The following CELF3 variants were observed in gnomAD, a reference collection of about 807,000 sequenced individuals.
CELF3 encodes CUGBP Elav-like family member 3.
Under a neutral mutation model 59.6 loss-of-function variants are expected in CELF3, and 26 were observed. The observed-to-expected ratio is 0.44, with a 90% CI of 0.32 to 0.61. The LOEUF (loss-of-function observed/expected upper bound fraction) is 0.61. Ranked by LOEUF, CELF3 falls within the 20% of genes least tolerant of loss-of-function variation. The probability of loss-of-function intolerance (pLI) is 0.06; values close to 1 mark genes in which losing one functional copy is unlikely to be tolerated. For synonymous variants in CELF3, 245 were observed against 250.7 expected, an observed-to-expected ratio of 0.98 and a Z score of 0.22; for missense variants, 387 against 627.2, an observed-to-expected ratio of 0.62 and a Z score of 4.09.
Position 151,714,745 on chromosome 1 carries a change from C to G in CELF3, c.146-69G>C, listed in dbSNP as rs145483403. The G allele has an allele frequency of 3.3e-5, 38 of 1,142,956 alleles. No individual in the cohort carries two copies. In the African/African-American group the frequency reaches 4.3e-4, roughly 13 times the overall value. The allele number at this position is 1,142,956 out of a possible 1,614,324, so 70.8% of individuals were successfully genotyped here. A position where few individuals can be genotyped will look rare whatever the true frequency, so the allele number is the denominator to read the frequency against. On this transcript the variant is annotated intron_variant, in intron 1 of 12. Transcript: ENST00000290583. ...CTCCATCTCCCCTCTCTGAAAGGCT[C>G]CCTTCCAAAGACTGACGACTGGGAA... is the stretch of plus-strand genomic sequence containing the variant.
At chr1:151,706,435 C>T (rs1010246487) in intron 9 of CELF3, 74 bp from the exon 10 acceptor site, 1 of 1,441,794 alleles carries the variant, frequency 6.9e-7, no homozygotes, top group Non-Finnish European at 9.4e-7. Flanking sequence ...CCCTGTCTCC[C>T]TTCCCCTAGC....
rs1444624084 is a variant in CELF3 at position 151,705,819 on chromosome 1, T to C, written c.1270+3A>G. 2 of 1,614,106 alleles carry C rather than the reference T, an allele frequency of 1.2e-6. No individual in the cohort carries two copies. Among genetic ancestry groups the C allele is most frequent in the South Asian group, 2.2e-5 (2 of 91,050 alleles). ...CAAAAAATGTGCCATATCATATTCT[T>C]ACCAAAACATTTGCTTTGATTGGTG... On this transcript the variant is annotated splice_donor_region_variant and intron_variant, in intron 11 of 12. Coordinates refer to ENST00000290583, the MANE Select transcript of CELF3 (RefSeq NM_007185.7). The surrounding 1 kb of genome is among the most constrained non-coding windows in gnomAD (Gnocchi z 5.1).
intron 5 of CELF3, 85 bp from the exon 6 acceptor site, chr1:151,708,020 C>T (rs1241741996): frequency 1.9e-4 from 271 of 1,460,570 alleles, no homozygotes; most frequent in Non-Finnish European, 2.4e-4. Flanking sequence ...CTCCATTCCA[C>T]CCCCATGGCA....
rs57326615 is a variant in CELF3 at position 151,700,969 on chromosome 1, G to A, written c.*2490C>T. The A allele has an allele frequency of 0.097, 14,847 of 152,284 alleles. 777 individuals are homozygous for A. The highest frequency in any genetic ancestry group is 0.13 in the South Asian group (612 of 4,828). The allele number at this position is 152,284 out of a possible 1,614,324, so 9.4% of individuals were successfully genotyped here. ...CACTGTTTAGGGTGACCAGGATACA[G>A]TGCTGGACAAAGCAGACTGGGTAGT... On this transcript the variant is annotated 3_prime_UTR_variant, in exon 13 of 13. Coordinates refer to ENST00000290583, the MANE Select transcript of CELF3 (RefSeq NM_007185.7).
rs186011019 is a variant in CELF3, at chr1:151,701,143, G to A, written c.*2316C>T. ...TGTGGAGATGCAGAGACATGAGTAA[G>A]TAAATCAGCTGAATACTTTAGAGGT... On this transcript the variant is annotated 3_prime_UTR_variant, in exon 13 of 13. Transcript: ENST00000290583. 15 of 152,364 alleles carry A rather than the reference G, an allele frequency of 9.8e-5. No homozygotes were observed. In the East Asian group the frequency reaches 2.9e-3, roughly 29 times the overall value. 9.4% of individuals were successfully genotyped at this position (152,364 alleles called of 1,614,324 possible).
At chr1:151,711,042 G>T (rs1021413634) in intron 2 of CELF3, 8 of 359,774 alleles carry the variant, frequency 2.2e-5, no homozygotes, top group Non-Finnish European at 4.4e-5. Context: ...TTCTGAGGGT[G>T]AGGCTAGAGG....
intron 6 of CELF3, 21 bp from the exon 7 acceptor site, chr1:151,707,669 AGT>A (rs1558102331): frequency 6.2e-7 from 1 of 1,601,612 alleles, no homozygotes. Context: ...GGGAGAGGAG[AGT>A]GGGGCAGGCC....
chr1:151,706,388 A>T lies in CELF3; in HGVS notation c.989-27T>A, dbSNP rs1356644869. 4.6e-6 allele frequency: 7 copies of T among 1,527,890 alleles called. No individual in the cohort carries two copies. In the East Asian group the frequency reaches 1.7e-4, roughly 38 times the overall value. The allele number at this position is 1,527,890 out of a possible 1,614,324, so 94.6% of individuals were successfully genotyped here. On this transcript the variant is annotated intron_variant, in intron 9 of 12. Transcript: ENST00000290583. ...TGGGGTGGGGAGAAGAGAGAGGCTGATGGGGCTTCCCTGACTTCTTGAGCC... is the reference window on the plus strand; with the variant it reads ...TGGGGTGGGGAGAAGAGAGAGGCTGTTGGGGCTTCCCTGACTTCTTGAGCC...
chr1:151,706,844 C>G, intron 8 of CELF3, 110 bp from the exon 9 acceptor site: 1 of 843,736 alleles, frequency 1.2e-6, no homozygotes, highest in Non-Finnish European at 1.8e-6. Flanking sequence ...CAGAGCTTCT[C>G]TGGGCATGGG....
rs1051434792 is a variant in CELF3 at position 151,702,217 on chromosome 1, C to T, written c.*1242G>A. Among the ~76,000 whole-genome samples, 5 of 152,138 alleles carry T rather than the reference C, an allele frequency of 3.3e-5. No individual in the cohort carries two copies. The highest frequency in any genetic ancestry group is 5.9e-5 in the Non-Finnish European group (4 of 68,014). The stretch of plus-strand genomic sequence containing the variant: ...CTCTGCAGGACATTCCAGAATTAAG[C>T]CCCAAAGAAGGGCTGAAGGACAGGA... On this transcript the variant is annotated 3_prime_UTR_variant, in exon 13 of 13. Coordinates refer to ENST00000290583, the MANE Select transcript of CELF3 (RefSeq NM_007185.7).
chr1:151,716,572 G>T lies in CELF3; in HGVS notation c.-552C>A. ...CCCCTGTGGCGGATCCTTCTGCTGG[G>T]TCCGAAGATCCCTGATGCCAGATGC... On this transcript the variant is annotated 5_prime_UTR_variant, in exon 1 of 13. Transcript: ENST00000290583. The T allele has an allele frequency of 2.9e-6, 1 of 345,090 alleles. No individual in the cohort carries two copies. The allele number at this position is 345,090 out of a possible 1,614,324, so 21.4% of individuals were successfully genotyped here. A position where few individuals can be genotyped will look rare whatever the true frequency, so the allele number is the denominator to read the frequency against.
chr1:151,706,948 T>A (rs1034470444), intron 8 of CELF3, among the ~76,000 whole-genome samples, 197 bp downstream of exon 8: 1 of 152,106 alleles, frequency 6.6e-6, no homozygotes, highest in Non-Finnish European at 1.5e-5. Flanking sequence ...CTTGCAACCC[T>A]GGACAGGTCG....
chr1:151,706,243 CTGT>C lies in CELF3; in HGVS notation c.1104_1106del (p.Gln373del). ...CAGCACCTTCTCTTTGCTGCTGCTG[CTGT>C]TGCTGCTGCTGCTGCTGCTGCTGCT... On this transcript the variant is annotated inframe_deletion, in exon 10 of 13. Transcript: ENST00000290583. 6.2e-7 allele frequency: 1 copy of C among 1,601,784 alleles called. No homozygotes were observed.
At chr1:151,704,681 G>A (rs974090253) in intron 12 of CELF3, among the ~76,000 whole-genome samples, 3 of 152,026 alleles carry the variant, frequency 2.0e-5, no homozygotes, top group Admixed American at 6.5e-5. Context: ...ACTCTAACCC[G>A]AAGGAAAACC....
At chr1:151,706,136 G>A in intron 10 of CELF3, 88 bp downstream of exon 10, 1 of 1,606,524 alleles carries the variant, frequency 6.2e-7, no homozygotes, top group South Asian at 1.1e-5. Flanking sequence ...CCTGACACGT[G>A]GGCAAGAGCT....
chr1:151,704,822 A>T (rs2460995), intron 12 of CELF3, among the ~76,000 whole-genome samples: 1,197 of 84,540 alleles, frequency 0.014, 13 homozygotes, highest in African/African-American at 0.055. Flanking sequence ...TGTGTGTGTG[A>T]GAGAGAGAGA....
At chr1:151,712,766 G>T (rs1558109399) in intron 2 of CELF3, among the ~76,000 whole-genome samples, 2 of 152,164 alleles carry the variant, frequency 1.3e-5, no homozygotes, top group Non-Finnish European at 2.9e-5. Context: ...AGATTTTTGG[G>T]GTGACAGAGA....
Position 151,708,982 on chromosome 1 carries a change from G to A in CELF3, c.486+16C>T. ...GGTGGGAAGGAGAGGCCCGGGGGCA[G>A]GGGAGTGGGGCTCACTGGCAGGGTC... On this transcript the variant is annotated intron_variant, in intron 5 of 12. Coordinates refer to ENST00000290583, the MANE Select transcript of CELF3 (RefSeq NM_007185.7). 6.2e-7 allele frequency: 1 copy of A among 1,611,916 alleles called. No individual in the cohort carries two copies.
chr1:151,706,032 T>C, intron 10 of CELF3, 67 bp from the exon 11 acceptor site: 3 of 1,601,698 alleles, frequency 1.9e-6, no homozygotes, highest in Non-Finnish European at 2.6e-6. Context: ...GAAGCAAATG[T>C]CCCAGGGAAA....
Sources: allele counts gnomAD v4.1 joint callset (sites outside exome capture counted in the v4.1 genomes callset), GRCh38; gene constraint gnomAD v4.1.1; non-coding constraint Gnocchi (gnomAD v3.1); transcripts MANE v1.5; gene names NCBI Gene and HGNC (gene_info 2026-07-23, HGNC 2026-07-21).